Variants in DOCK1 observed in about 807,000 individuals in gnomAD.
DOCK1 encodes the protein dedicator of cytokinesis 1.
DOCK1 carries 138 observed loss-of-function variants against 262.7 expected under a neutral mutation model. The ratio of observed to expected loss-of-function variants is 0.53; its 90% confidence interval spans 0.46 to 0.61. The LOEUF (loss-of-function observed/expected upper bound fraction) is 0.61, where lower values mean the gene tolerates loss of function less well. DOCK1 is among the 20% of genes least tolerant of loss of function. DOCK1 has a pLI of 0.00. For synonymous variants in DOCK1, 866 were observed against 867.4 expected (o/e 1.00, Z 0.03); for missense variants, 1,908 against 2,370.7 (o/e 0.80, Z 4.05).
At chr10:127,369,986 T>C (rs2065122805) in intron 33 of DOCK1, among the ~76,000 whole-genome samples, 1 of 152,170 alleles carries the variant, frequency 6.6e-6, no homozygotes. Flanking sequence ...CACTTCTCTC[T>C]GCTGAACCTT....
chr10:127,439,621 T>C (rs1000339994), intron 49 of DOCK1, among the ~76,000 whole-genome samples: 1 of 152,178 alleles, frequency 6.6e-6, no homozygotes, highest in Non-Finnish European at 1.5e-5. Flanking sequence ...TGACTGGAAC[T>C]CTTCTAAGCT....
intron 29 of DOCK1, among the ~76,000 whole-genome samples, chr10:127,299,533 A>G (rs1338010411): frequency 1.3e-5 from 2 of 152,390 alleles, no homozygotes; most frequent in East Asian, 1.9e-4. Context: ...GGAGATTGCC[A>G]GCAACACCAG....
chr10:127,069,686 A>G (rs2046096949), intron 23 of DOCK1, among the ~76,000 whole-genome samples: 1 of 152,074 alleles, frequency 6.6e-6, no homozygotes, highest in South Asian at 2.1e-4. Flanking sequence ...GACTTGTTGA[A>G]TTAGAATATT....
At chr10:127,000,090 C>A in intron 9 of DOCK1, 82 bp from the exon 10 acceptor site, 1 of 1,509,006 alleles carries the variant, frequency 6.6e-7, no homozygotes, top group Non-Finnish European at 9.0e-7. Flanking sequence ...GAGTCTCAAT[C>A]CATTTTTTTA....
At chr10:127,244,219 A>G (rs2059358659) in intron 27 of DOCK1, among the ~76,000 whole-genome samples, 1 of 151,808 alleles carries the variant, frequency 6.6e-6, no homozygotes, top group South Asian at 2.1e-4. Context: ...TTTGGGACAT[A>G]TTTATTTTTC....
At chr10:126,985,692 T>C in intron 4 of DOCK1, among the ~76,000 whole-genome samples, 1 of 152,244 alleles carries the variant, frequency 6.6e-6, no homozygotes, top group South Asian at 2.1e-4. Context: ...AGGAAATTTC[T>C]CCCTGCAGAC....
At chr10:126,937,566 GTATC>G (rs1378366589) in intron 1 of DOCK1, among the ~76,000 whole-genome samples, 1 of 150,986 alleles carries the variant, frequency 6.6e-6, no homozygotes, top group Admixed American at 6.6e-5. Flanking sequence ...GTGTGAAGTG[GTATC>G]TTACTGTCCT....
chr10:127,019,982 T>C (rs1463654790), intron 13 of DOCK1, among the ~76,000 whole-genome samples: 1 of 152,216 alleles, frequency 6.6e-6, no homozygotes, highest in African/African-American at 2.4e-5. Flanking sequence ...TTGCTTACTT[T>C]AGTGCAACTT....
At chr10:127,027,741 C>T (rs1591726344) in intron 16 of DOCK1, among the ~76,000 whole-genome samples, 1 of 152,228 alleles carries the variant, frequency 6.6e-6, no homozygotes, top group Non-Finnish European at 1.5e-5. Context: ...TGTTCATTCA[C>T]CTGACTATTT....
chr10:127,310,335 C>T (rs1446068046), intron 29 of DOCK1, among the ~76,000 whole-genome samples: 1 of 139,192 alleles, frequency 7.2e-6, no homozygotes, highest in Non-Finnish European at 1.5e-5. Context: ...CATCATTAAG[C>T]AGATCACCTC....
chr10:126,908,514 T>C (rs1488931830), intron 1 of DOCK1, among the ~76,000 whole-genome samples: 2 of 152,246 alleles, frequency 1.3e-5, no homozygotes, highest in Non-Finnish European at 2.9e-5. Flanking sequence ...TCACAGCTTA[T>C]TGTTTGCAAG....
chr10:127,329,189 C>T (rs114740244), intron 29 of DOCK1, among the ~76,000 whole-genome samples: 1,835 of 152,182 alleles, frequency 0.012, 51 homozygotes, highest in African/African-American at 0.042. Context: ...GACACACATT[C>T]CTACACCCCG....
chr10:127,104,780 C>T (rs530575118), intron 23 of DOCK1, among the ~76,000 whole-genome samples: 1 of 152,314 alleles, frequency 6.6e-6, no homozygotes, highest in Non-Finnish European at 1.5e-5. Flanking sequence ...CTTTTCCCAA[C>T]AGAAGAGAGC....
intron 27 of DOCK1, among the ~76,000 whole-genome samples, chr10:127,245,461 A>T (rs574752895): frequency 6.6e-6 from 1 of 152,326 alleles, no homozygotes; most frequent in South Asian, 2.1e-4. Flanking sequence ...CATCGCAGTT[A>T]AACAAGGGGC....
At chr10:126,954,187 A>G (rs2036551650) in intron 1 of DOCK1, among the ~76,000 whole-genome samples, 1 of 152,212 alleles carries the variant, frequency 6.6e-6, no homozygotes, top group South Asian at 2.1e-4. Context: ...TTTTATAGTC[A>G]ATTGAAATGA....
intron 5 of DOCK1, 60 bp from the exon 6 acceptor site, chr10:126,990,395 A>G (rs2039706398): frequency 6.6e-7 from 1 of 1,510,922 alleles, no homozygotes; most frequent in African/African-American, 1.4e-5. Context: ...GCCATTCTCT[A>G]CCATCTCCAC....
intron 38 of DOCK1, among the ~76,000 whole-genome samples, chr10:127,396,786 T>C (rs1033887293): frequency 6.6e-6 from 1 of 152,160 alleles, no homozygotes; most frequent in Non-Finnish European, 1.5e-5. Flanking sequence ...TTCATTTTTT[T>C]ATCTAGGGCA....
At chr10:127,206,423 C>T (rs1034787687) in intron 27 of DOCK1, among the ~76,000 whole-genome samples, 3 of 152,118 alleles carry the variant, frequency 2.0e-5, no homozygotes, top group Admixed American at 6.5e-5. Flanking sequence ...GGATTAAAGG[C>T]GTGAGCCACC....
intron 21 of DOCK1, among the ~76,000 whole-genome samples, chr10:127,046,347 C>G (rs139091522): frequency 1.2e-4 from 19 of 152,270 alleles, no homozygotes; most frequent in African/African-American, 4.3e-4. Context: ...CTGCAGACTT[C>G]GCCTCTTCAG....
Sources: allele counts gnomAD v4.1 joint callset (sites outside exome capture counted in the v4.1 genomes callset), GRCh38; gene constraint gnomAD v4.1.1; transcripts MANE v1.5; gene names NCBI Gene and HGNC (gene_info 2026-07-23, HGNC 2026-07-21).